LRRC28: variants seen among roughly 807,000 people sequenced by gnomAD.
The protein encoded by LRRC28 is leucine rich repeat containing 28, also known as leucine-rich repeat-containing protein 28.
Under a neutral mutation model 45.7 loss-of-function variants are expected in LRRC28, and 39 were observed. The ratio of observed to expected loss-of-function variants is 0.85; its 90% CI spans 0.66 to 1.12. LRRC28 has a LOEUF of 1.12. Ranked by LOEUF, LRRC28 falls within the 50% of genes most tolerant of loss-of-function variation. The pLI is 0.00. For synonymous variants in LRRC28, 206 were observed against 178.8 expected (o/e 1.15, Z -1.22); for missense variants, 435 against 438.5 (o/e 0.99, Z 0.07).
At chr15:99,340,467 AAAACTATTT>A (rs1450488005) in intron 6 of LRRC28, among the ~76,000 whole-genome samples, 5 of 152,374 alleles carry the variant, frequency 3.3e-5, no homozygotes, top group African/African-American at 1.2e-4. Context: ...TCCACACAGT[AAAACTATTT>A]AAACTTCAAT....
chr15:99,345,509 C>G (rs1006354398), intron 6 of LRRC28, among the ~76,000 whole-genome samples: 1 of 152,100 alleles, frequency 6.6e-6, no homozygotes, highest in African/African-American at 2.4e-5. Context: ...GCCCATATTT[C>G]AATCGATTGT....
At chr15:99,356,360 T>TA (rs937672728) in intron 7 of LRRC28, among the ~76,000 whole-genome samples, 3 of 151,508 alleles carry the variant, frequency 2.0e-5, no homozygotes, top group Admixed American at 6.6e-5. Context: ...AAATAGAGAC[T>TA]AAAAAAAAGG....
intron 9 of LRRC28, among the ~76,000 whole-genome samples, chr15:99,372,892 A>T (rs79957353): frequency 0.16 from 23,973 of 152,102 alleles, 1,945 homozygotes; most frequent in African/African-American, 0.18. Context: ...CTCGAGGGGA[A>T]GCAAACATGT....
intron 5 of LRRC28, among the ~76,000 whole-genome samples, chr15:99,319,696 A>G (rs1296354185): frequency 6.6e-6 from 1 of 152,102 alleles, no homozygotes; most frequent in African/African-American, 2.4e-5. Flanking sequence ...ACATTTAAAA[A>G]TTTCTACTGG....
intron 2 of LRRC28, chr15:99,259,614 A>G (rs1597152093): frequency 2.0e-6 from 3 of 1,500,286 alleles, no homozygotes; most frequent in African/African-American, 1.4e-5. Flanking sequence ...GCACAAGCGT[A>G]CCAAACGGGC....
intron 1 of LRRC28, among the ~76,000 whole-genome samples, chr15:99,254,343 GCCA>G (rs759769572): frequency 4.6e-4 from 70 of 152,304 alleles, no homozygotes; most frequent in Non-Finnish European, 7.9e-4. Context: ...TAGCTCATTA[GCCA>G]GGAATTAGAA....
In LRRC28 at chr15:99,361,389, G is replaced by A; in HGVS notation, c.749G>A (p.Gly250Glu). Residue 250 changes from glycine (G) to glutamate (E), a missense_variant, in exon 8 of 10, where the codon GGG becomes GAG. Coordinates refer to ENST00000301981, the MANE Select transcript of LRRC28 (RefSeq NM_144598.5). ...SEVKLLSFSS[G>E]QRTVFLPAEV... ...GTGAAGCTGCTTTCCTTTTCATCAG[G>A]GCAGCGAACCGTTTTCCTCCCAGCT... The A allele has an allele frequency of 6.2e-7, 1 of 1,613,862 alleles. No homozygotes were observed. The highest frequency in any genetic ancestry group is 1.7e-5 in the Admixed American group (1 of 60,000).
At chr15:99,293,865 A>C (rs748922614) in intron 5 of LRRC28, among the ~76,000 whole-genome samples, 1 of 152,138 alleles carries the variant, frequency 6.6e-6, no homozygotes, top group Non-Finnish European at 1.5e-5. Flanking sequence ...GTTTTAGTGC[A>C]GTTCTACTGG....
At chr15:99,356,526 A>G (rs1957051771) in intron 7 of LRRC28, among the ~76,000 whole-genome samples, 1 of 152,304 alleles carries the variant, frequency 6.6e-6, no homozygotes, top group Non-Finnish European at 1.5e-5. Context: ...TGAAAACAAA[A>G]ATGAACACAG....
At position 99,287,921 on chromosome 15, in the gene LRRC28, G is replaced by C. The variant is rs1478673438; in HGVS notation, c.355G>C (p.Ala119Pro). ...RLRALRHLRL[A>P]NNQLQFLPPE... ...GAGAGCTTTACGTCATCTTCGATTA[G>C]CTAATAACCAACTGCAATTCCTACC... Residue 119 changes from alanine to proline, a missense_variant, in exon 5 of 10, where the codon GCT becomes CCT. Transcript: ENST00000301981. 4.3e-6 allele frequency: 7 copies of C among 1,613,480 alleles called. No homozygotes were observed. The Admixed American group carries it at 8.3e-5, about 19-fold the overall frequency.
chr15:99,322,243 A>G (rs1955823998), intron 5 of LRRC28, among the ~76,000 whole-genome samples: 1 of 152,172 alleles, frequency 6.6e-6, no homozygotes. Context: ...TGCAGCAGAA[A>G]GCCAGGGCAG....
chr15:99,342,820 T>C lies in LRRC28; in HGVS notation c.592+8691T>C, dbSNP rs547852516. The stretch of plus-strand genomic sequence containing the variant: ...TGATGATCTACCATGTGTAAAGTTA[T>C]CTTATTAAATTATAATTCACTGTGA... On this transcript the variant is annotated intron_variant, in intron 6 of 9. Coordinates refer to ENST00000301981, the MANE Select transcript of LRRC28 (RefSeq NM_144598.5). Among the ~76,000 whole-genome samples, 6 of 152,346 alleles carry C rather than the reference T, an allele frequency of 3.9e-5. No individual in the cohort carries two copies. In the East Asian group the frequency reaches 9.6e-4, roughly 24 times the overall value.
intron 2 of LRRC28, among the ~76,000 whole-genome samples, chr15:99,263,437 G>A (rs144191820): frequency 1.5e-3 from 221 of 151,960 alleles, no homozygotes; most frequent in Non-Finnish European, 9.1e-4. Context: ...TAGGAATTAA[G>A]TCTGATCTTT....
chr15:99,277,215 T>G (rs2081641281), intron 3 of LRRC28, among the ~76,000 whole-genome samples: 1 of 152,162 alleles, frequency 6.6e-6, no homozygotes. Context: ...TTGCTATTTC[T>G]TGTACTCTTT....
chr15:99,253,759 G>T (rs1443204454), intron 1 of LRRC28, among the ~76,000 whole-genome samples: 1 of 152,232 alleles, frequency 6.6e-6, no homozygotes, highest in African/African-American at 2.4e-5. Flanking sequence ...TGGACACAGG[G>T]AGACTGGTAA....
chr15:99,387,352 G>T lies in LRRC28; in HGVS notation c.*1250G>T, dbSNP rs140869838. On this transcript the variant is annotated 3_prime_UTR_variant, in exon 10 of 10. Transcript: ENST00000301981. ...TGGGATTACAGGCGTGAGCCACCGC[G>T]CCCGGCCCACTACTGGTTTTTAACA... The T allele has an allele frequency of 6.6e-6, 1 of 152,246 alleles. No individual in the cohort carries two copies. Among genetic ancestry groups the T allele is most frequent in the Non-Finnish European group, 1.5e-5 (1 of 68,084 alleles). The allele number at this position is 152,246 out of a possible 1,614,324, so 9.4% of individuals were successfully genotyped here.
At chr15:99,282,977 C>T (rs2081848581) in intron 3 of LRRC28, among the ~76,000 whole-genome samples, 1 of 152,114 alleles carries the variant, frequency 6.6e-6, no homozygotes, top group Admixed American at 6.5e-5. Flanking sequence ...ACTGCAACCT[C>T]CGCCTCCTGG....
chr15:99,268,628 G>T (rs12441996), intron 2 of LRRC28, among the ~76,000 whole-genome samples: 14,539 of 152,136 alleles, frequency 0.096, 978 homozygotes, highest in East Asian at 0.32. Flanking sequence ...TGTAAGTAAG[G>T]CACTTGTACA....
In LRRC28 at chr15:99,386,193, CG is replaced by C; in HGVS notation, c.*96del. On this transcript the variant is annotated 3_prime_UTR_variant, in exon 10 of 10. Coordinates refer to ENST00000301981, the MANE Select transcript of LRRC28 (RefSeq NM_144598.5). ...CTCTTCCATCCTGTCCTGTCCAATG[CG>C]GGGGCACTGCAGAACTCTCTAGAAA... The C allele has an allele frequency of 1.0e-6, 1 of 993,142 alleles. No individual in the cohort carries two copies. The highest frequency in any genetic ancestry group is 1.6e-6 in the Non-Finnish European group (1 of 619,332). The allele number at this position is 993,142 out of a possible 1,614,324, so 61.5% of individuals were successfully genotyped here.
Sources: gnomAD v4.1 joint callset for allele counts (sites outside exome capture counted in the v4.1 genomes callset) on GRCh38, gnomAD v4.1.1 for gene constraint, MANE v1.5 for transcripts, NCBI Gene and HGNC (gene_info 2026-07-23, HGNC 2026-07-21) for gene names.